Variants in TUT4 observed in about 807,000 individuals in gnomAD.
The protein encoded by TUT4 is terminal uridylyltransferase 4.
In TUT4, 36 loss-of-function variants were observed where a neutral mutation model predicts 192.2. The ratio of observed to expected loss-of-function variants is 0.19; its 90% confidence interval spans 0.14 to 0.25. The LOEUF (loss-of-function observed/expected upper bound fraction) is 0.25. Ranked by LOEUF, TUT4 falls within the 10% of genes least tolerant of loss-of-function variation. The probability of loss-of-function intolerance (pLI) is 1.00; values close to 1 mark genes in which losing one functional copy is unlikely to be tolerated. For synonymous variants in TUT4, 618 were observed against 666.0 expected, an observed-to-expected ratio of 0.93 and a Z score of 1.11; for missense variants, 1,493 against 1,957.2, an observed-to-expected ratio of 0.76 and a Z score of 4.47.
intron 1 of TUT4, among the ~76,000 whole-genome samples, chr1:52,539,340 C>T (rs1031470826): frequency 1.3e-5 from 2 of 152,072 alleles, no homozygotes; most frequent in Non-Finnish European, 2.9e-5. Flanking sequence ...TCAGGAATTA[C>T]ACCAAAGTAT....
rs1327628955 is a variant in TUT4, at chr1:52,485,942, T to TAA, written c.1515+2965_1515+2966dup. On this transcript the variant is annotated intron_variant, in intron 9 of 29. Coordinates refer to ENST00000257177, the MANE Select transcript of TUT4 (RefSeq NM_001009881.3). Reference sequence around the variant, plus strand: ...TTAGGATAATAATAATAATATAGAGTAATTATACCGTAGCATAATATCTTG... The same window carrying TAA: ...TTAGGATAATAATAATAATATAGAGTAAAATTATACCGTAGCATAATATCTTG... Among the ~76,000 whole-genome samples, 7 of 152,128 alleles carry TAA rather than the reference T, an allele frequency of 4.6e-5. No homozygotes were observed. The East Asian group carries it at 9.6e-4, about 21-fold the overall frequency.
At chr1:52,524,617 C>A (rs1681210746) in intron 2 of TUT4, among the ~76,000 whole-genome samples, 1 of 151,806 alleles carries the variant, frequency 6.6e-6, no homozygotes, top group African/African-American at 2.4e-5. Flanking sequence ...AACAGCCTGG[C>A]CAATATGGTG....
intron 3 of TUT4, among the ~76,000 whole-genome samples, chr1:52,511,240 A>G (rs1677067853): frequency 6.6e-6 from 1 of 152,200 alleles, no homozygotes; most frequent in South Asian, 2.1e-4. Flanking sequence ...CAAGTAAATA[A>G]GAAAAGTTGG....
rs560075656 is a variant in TUT4, at chr1:52,496,990, T to C, written c.1177+16A>G. ...GTTTTGTGATTTTCAAAATCAAATA[T>C]GAAATGTATTTCTACCTGGTAAAAA... On this transcript the variant is annotated intron_variant, in intron 5 of 29. Coordinates refer to ENST00000257177, the MANE Select transcript of TUT4 (RefSeq NM_001009881.3). The C allele has an allele frequency of 5.0e-6, 8 of 1,607,594 alleles. 1 individual carries two copies. In the South Asian group the frequency reaches 5.6e-5, roughly 11 times the overall value.
intron 4 of TUT4, 84 bp downstream of exon 4, chr1:52,509,512 A>C: frequency 1.2e-6 from 1 of 847,998 alleles, no homozygotes. Context: ...CAAATATTTC[A>C]TTTTTAGTTT....
At chr1:52,449,543 AC>A (rs549915059) in intron 20 of TUT4, among the ~76,000 whole-genome samples, 30 of 151,798 alleles carry the variant, frequency 2.0e-4, no homozygotes, top group Non-Finnish European at 3.7e-4. Flanking sequence ...CAAGTAATCT[AC>A]CCCCCTCGGC....
intron 28 of TUT4, among the ~76,000 whole-genome samples, chr1:52,427,261 T>C (rs957682690): frequency 6.6e-6 from 1 of 151,934 alleles, no homozygotes; most frequent in African/African-American, 2.4e-5. Flanking sequence ...AATTTAAAAA[T>C]GGAGGATGAG....
chr1:52,455,371 T>C (rs965593537), intron 20 of TUT4, among the ~76,000 whole-genome samples: 4 of 151,204 alleles, frequency 2.6e-5, no homozygotes, highest in Admixed American at 6.6e-5. Flanking sequence ...TCTCAACACT[T>C]TGAGAGGCCG....
chr1:52,493,689 T>C (rs1460754633), intron 6 of TUT4, 27 bp from the exon 7 acceptor site: 2 of 1,402,974 alleles, frequency 1.4e-6, no homozygotes, highest in East Asian at 4.7e-5. Flanking sequence ...AATAAATCGA[T>C]ATACTAATTT....
chr1:52,527,144 G>C (rs994425638), intron 1 of TUT4, among the ~76,000 whole-genome samples: 2 of 152,128 alleles, frequency 1.3e-5, no homozygotes, highest in African/African-American at 4.8e-5. Context: ...TGTACCTCTA[G>C]CCTACCTCGA....
chr1:52,491,262 G>A (rs941666798), intron 7 of TUT4, among the ~76,000 whole-genome samples: 5 of 152,242 alleles, frequency 3.3e-5, no homozygotes, highest in Admixed American at 2.0e-4. Context: ...CACATTTCCC[G>A]TTAGTATATG....
In TUT4 at chr1:52,509,663, A is replaced by C; in HGVS notation, c.932T>G (p.Ile311Ser). 3 of 1,612,604 alleles carry C rather than the reference A, an allele frequency of 1.9e-6. No individual in the cohort carries two copies. The highest frequency in any genetic ancestry group is 4.5e-5 in the East Asian group (2 of 44,730). ...AGCCCCCTGGATATTTTCAATGTGA[A>C]TTAAGCAAAGTTTGCATAGATACCG... ...NCRYLCKLCL[I>S]HIENIQGAHK... Residue 311 changes from isoleucine to serine, a missense_variant, in exon 4 of 30, where the codon ATT becomes AGT. By Grantham distance (142) the Ile-to-Ser change is moderately radical. This residue lies in a region of TUT4 where 437 missense variants were observed against 577.6 expected (regional missense o/e 0.76). Coordinates refer to ENST00000257177, the MANE Select transcript of TUT4 (RefSeq NM_001009881.3).
intron 3 of TUT4, among the ~76,000 whole-genome samples, chr1:52,514,417 G>T (rs2149352661): frequency 6.6e-6 from 1 of 152,178 alleles, no homozygotes; most frequent in East Asian, 1.9e-4. Context: ...CTCCAACCTG[G>T]GCAACAGAGC....
chr1:52,426,568 A>G (rs1478219813), intron 28 of TUT4, among the ~76,000 whole-genome samples: 2 of 152,112 alleles, frequency 1.3e-5, no homozygotes. Context: ...AGCAAAAAAA[A>G]CTAAAGCCCG....
At chr1:52,533,524 T>A (rs1373457553) in intron 1 of TUT4, among the ~76,000 whole-genome samples, 2 of 152,208 alleles carry the variant, frequency 1.3e-5, no homozygotes, top group Non-Finnish European at 2.9e-5. Flanking sequence ...GTTACTATAC[T>A]TTCACTACAG....
At chr1:52,424,914 C>T (rs966808681) in intron 29 of TUT4, 1 of 154,162 alleles carries the variant, frequency 6.5e-6, no homozygotes, top group African/African-American at 2.4e-5. Flanking sequence ...ATATTTTCTA[C>T]TCTTTTTCAT....
intron 28 of TUT4, among the ~76,000 whole-genome samples, chr1:52,426,174 T>C (rs752528877): frequency 2.6e-5 from 4 of 152,178 alleles, no homozygotes; most frequent in Admixed American, 6.5e-5. Context: ...GGTTGAGAAC[T>C]TGGGCTTTGA....
chr1:52,438,959 A>G (rs1332493195), intron 24 of TUT4, among the ~76,000 whole-genome samples: 1 of 151,412 alleles, frequency 6.6e-6, no homozygotes, highest in African/African-American at 2.4e-5. Context: ...AGTCCCAGCT[A>G]TTCAGGAGGA....
intron 20 of TUT4, 134 bp downstream of exon 20, chr1:52,458,202 A>T (rs1661508355): frequency 1.7e-6 from 1 of 575,428 alleles, no homozygotes; most frequent in African/African-American, 1.9e-5. Flanking sequence ...TAATTATAGC[A>T]TTAATGGAAA....
Sources: allele counts gnomAD v4.1 joint callset (sites outside exome capture counted in the v4.1 genomes callset), GRCh38; gene constraint gnomAD v4.1.1; regional missense constraint gnomAD v4.1.1; transcripts MANE v1.5; gene names NCBI Gene and HGNC (gene_info 2026-07-23, HGNC 2026-07-21).